MED24: variants seen among roughly 807,000 people sequenced by gnomAD.
The protein encoded by MED24 is mediator of RNA polymerase II transcription subunit 24.
MED24 carries 74 observed loss-of-function variants against 118.8 expected under a neutral mutation model. That is an observed-to-expected ratio of 0.62 (90% CI 0.52 to 0.76). The LOEUF (loss-of-function observed/expected upper bound fraction) is 0.76. Among genes scored for constraint, MED24 ranks in the 30% least tolerant of loss-of-function variants. MED24 has a pLI of 0.00. For synonymous variants in MED24, 521 were observed against 523.9 expected, an observed-to-expected ratio of 0.99 and a Z score of 0.08; for missense variants, 1,041 against 1,278.9, an observed-to-expected ratio of 0.81 and a Z score of 2.84.
chr17:40,030,672 T>TA (rs1468400075), intron 12 of MED24, among the ~76,000 whole-genome samples: 32 of 151,810 alleles, frequency 2.1e-4, no homozygotes, highest in African/African-American at 7.0e-4. Flanking sequence ...ATTTATTTTT[T>TA]TTTTGAGACA....
chr17:40,035,211 C>T lies in MED24; in HGVS notation c.465G>A (p.Glu155=). The part of the protein sequence containing the change: ...GLEAGTPAAG[E]KQLAMCLQRL... The stretch of plus-strand genomic sequence containing the variant: ...GCTGAAGGCACATGGCAAGCTGCTT[C>T]TCCCCAGCGGCTGGAGTGCCGGCCT... Residue 155 remains glutamate, a synonymous_variant, in exon 6 of 26, where the codon GAG becomes GAA. Coordinates refer to ENST00000394128, the MANE Select transcript of MED24 (RefSeq NM_014815.4). 6.2e-7 allele frequency: 1 copy of T among 1,614,170 alleles called. No homozygotes were observed. The highest frequency in any genetic ancestry group is 8.5e-7 in the Non-Finnish European group (1 of 1,180,046).
chr17:40,028,169 G>A (rs1286853931), intron 14 of MED24: 1 of 479,770 alleles, frequency 2.1e-6, no homozygotes, highest in African/African-American at 2.0e-5. Context: ...AGGCTGGAGT[G>A]CAGTGGCACA....
At chr17:40,032,283 C>T (rs1983482451) in intron 9 of MED24, 193 bp from the exon 10 acceptor site, 2 of 633,104 alleles carry the variant, frequency 3.2e-6, no homozygotes, top group African/African-American at 3.7e-5. Flanking sequence ...CAGGCCTAGG[C>T]ACAGGACACA....
chr17:40,036,195 TC>T (rs761223168), intron 3 of MED24, 41 bp from the exon 4 acceptor site: 1 of 1,577,114 alleles, frequency 6.3e-7, no homozygotes, highest in South Asian at 1.1e-5. Flanking sequence ...ACAACTAGTC[TC>T]CCACAGTTGA....
chr17:40,036,056 C>G, intron 4 of MED24, 60 bp downstream of exon 4: 1 of 1,544,182 alleles, frequency 6.5e-7, no homozygotes, highest in East Asian at 2.2e-5. Flanking sequence ...TCAGGGCCGT[C>G]AAGGAGGCGG....
chr17:40,027,073 GGCGCGGC>G (rs751272427), intron 16 of MED24, 39 bp from the exon 17 acceptor site: 2 of 1,607,318 alleles, frequency 1.2e-6, no homozygotes, highest in Admixed American at 3.4e-5. Flanking sequence ...GAGTGGGGAG[GGCGCGGC>G]GCCTGCCAGC....
intron 3 of MED24, among the ~76,000 whole-genome samples, chr17:40,045,841 G>C (rs190237726): frequency 2.0e-5 from 3 of 152,156 alleles, no homozygotes; most frequent in East Asian, 1.9e-4. Flanking sequence ...ACAGTGGTTC[G>C]ATCTTGGCTC....
At chr17:40,044,052 G>A (rs1203088392) in intron 3 of MED24, among the ~76,000 whole-genome samples, 1 of 144,982 alleles carries the variant, frequency 6.9e-6, no homozygotes, top group African/African-American at 2.6e-5. Flanking sequence ...GGCTGGAACC[G>A]GGGAAGCTAA....
At position 40,027,233 on chromosome 17, in the gene MED24, C is replaced by T. The variant is rs1982776127; in HGVS notation, c.1530+150G>A. The stretch of plus-strand genomic sequence containing the variant: ...TGTGAACATAGGGCTGAAGGTGCCT[C>T]TACGGACTCCAGCCCGGGTGGGCAC... On this transcript the variant is annotated intron_variant, in intron 16 of 25. Transcript: ENST00000394128. 8.1e-6 allele frequency: 9 copies of T among 1,108,884 alleles called. No individual in the cohort carries two copies. The South Asian group carries it at 1.2e-4, about 15-fold the overall frequency. The allele number at this position is 1,108,884 out of a possible 1,614,324, so 68.7% of individuals were successfully genotyped here. A position where few individuals can be genotyped will look rare whatever the true frequency, so the allele number is the denominator to read the frequency against.
chr17:40,027,340 C>T, intron 16 of MED24, 43 bp downstream of exon 16: 1 of 1,582,918 alleles, frequency 6.3e-7, no homozygotes, highest in Middle Eastern at 2.1e-4. Context: ...TCCGGGTTAC[C>T]TCCTTCCCTT....
intron 3 of MED24, among the ~76,000 whole-genome samples, chr17:40,050,083 G>A (rs1985662305): frequency 6.7e-6 from 1 of 150,268 alleles, no homozygotes; most frequent in African/African-American, 2.5e-5. Flanking sequence ...CCAAGGAGAT[G>A]GAGGTTGCAG....
chr17:40,035,365 C>CA lies in MED24; in HGVS notation c.327-17dup. Reference sequence around the variant, plus strand: ...GCCGTGACAGCTACAGGGAAGGATGCAAAATCAGACTCTGTTCTTCCAATG... The same window carrying CA: ...GCCGTGACAGCTACAGGGAAGGATGCAAAAATCAGACTCTGTTCTTCCAATG... On this transcript the variant is annotated splice_polypyrimidine_tract_variant and intron_variant, in intron 5 of 25. Transcript: ENST00000394128. The CA allele has an allele frequency of 6.4e-7, 1 of 1,560,304 alleles. No homozygotes were observed. The highest frequency in any genetic ancestry group is 1.2e-5 in the South Asian group (1 of 83,966).
intron 19 of MED24, 64 bp from the exon 20 acceptor site, chr17:40,023,459 G>C: frequency 1.3e-5 from 18 of 1,433,940 alleles, no homozygotes; most frequent in South Asian, 2.6e-5. Flanking sequence ...GGAGAGGAGG[G>C]AACACCCATG....
At chr17:40,027,516 C>T (rs1203600602) in intron 15 of MED24, 51 bp from the exon 16 acceptor site, 27 of 1,545,440 alleles carry the variant, frequency 1.7e-5, no homozygotes, top group Non-Finnish European at 2.3e-5. Flanking sequence ...GGGGGGAGCC[C>T]GTGTCTGGGT....
intron 23 of MED24, chr17:40,020,605 A>C (rs1776586767): frequency 1.6e-6 from 1 of 633,368 alleles, no homozygotes; most frequent in South Asian, 1.6e-5. Flanking sequence ...CTTGGCAACT[A>C]GCGAGACCTC....
At chr17:40,020,214 T>C in intron 24 of MED24, 59 bp downstream of exon 24, 1 of 1,419,786 alleles carries the variant, frequency 7.0e-7, no homozygotes, top group African/African-American at 1.4e-5. Context: ...CCAGCCTCCA[T>C]GAGAAGAGAG....
chr17:40,026,369 T>C, intron 18 of MED24, 38 bp from the exon 19 acceptor site: 1 of 1,600,638 alleles, frequency 6.2e-7, no homozygotes, highest in East Asian at 2.2e-5. Flanking sequence ...ACCATCTATC[T>C]CCCTTTCTTG....
Position 40,029,726 on chromosome 17 carries a change from G to A in MED24, c.1266+22C>T, listed in dbSNP as rs765366079. 2.5e-6 allele frequency: 4 copies of A among 1,598,336 alleles called. No homozygotes were observed. In the South Asian group the frequency reaches 4.4e-5, roughly 18 times the overall value. On this transcript the variant is annotated intron_variant, in intron 13 of 25. Transcript: ENST00000394128. ...GAAAGAAGAAAGAGAAGACTGTGGT[G>A]GCCAGGGAAGGGCACACTCACCTTG...
rs1983628426 is a variant in MED24 at position 40,033,591 on chromosome 17, G to A, written c.560-135C>T. 1.3e-6 allele frequency: 1 copy of A among 758,264 alleles called. No individual in the cohort carries two copies. The highest frequency in any genetic ancestry group is 1.7e-5 in the African/African-American group (1 of 58,338). 47.0% of individuals were successfully genotyped at this position (758,264 alleles called of 1,614,324 possible). A position where few individuals can be genotyped will look rare whatever the true frequency, so the allele number is the denominator to read the frequency against. ...GAAGGCTTCCCCTGAGGACAACAGGGAGGGAGGGGCCTGAGGGCAGCATGC... is the reference window on the plus strand; with the variant it reads ...GAAGGCTTCCCCTGAGGACAACAGGAAGGGAGGGGCCTGAGGGCAGCATGC... On this transcript the variant is annotated intron_variant, in intron 6 of 25. Coordinates refer to ENST00000394128, the MANE Select transcript of MED24 (RefSeq NM_014815.4). This position sits in a 1 kb window ranked among gnomAD's most constrained non-coding sequence, Gnocchi z 5.2.
Sources: allele counts gnomAD v4.1 joint callset (sites outside exome capture counted in the v4.1 genomes callset), GRCh38; gene constraint gnomAD v4.1.1; non-coding constraint Gnocchi (gnomAD v3.1); transcripts MANE v1.5; gene names NCBI Gene and HGNC (gene_info 2026-07-23, HGNC 2026-07-21).